Variants in PRDM16 observed in about 807,000 individuals in gnomAD.
The protein encoded by PRDM16 is histone-lysine N-methyltransferase PRDM16.
PRDM16 carries 23 observed loss-of-function variants against 110.6 expected under a neutral mutation model. The observed-to-expected ratio is 0.21, with a 90% confidence interval of 0.15 to 0.29. PRDM16 has a LOEUF of 0.29. PRDM16 is among the 10% of genes least tolerant of loss of function. The pLI is 1.00. For missense variants in PRDM16, 1,615 were observed against 1,794.3 expected, an observed-to-expected ratio of 0.90 and a Z score of 1.81; for synonymous variants, 799 against 781.8, an observed-to-expected ratio of 1.02 and a Z score of -0.37.
chr1:3,271,048 C>G (rs2100288735), intron 3 of PRDM16, among the ~76,000 whole-genome samples: 1 of 152,272 alleles, frequency 6.6e-6, no homozygotes, highest in Admixed American at 6.5e-5. Context: ...CACGCTCCTC[C>G]CAGTCCCGGC....
intron 2 of PRDM16, among the ~76,000 whole-genome samples, chr1:3,218,431 G>C (rs943072356): frequency 2.8e-4 from 42 of 152,200 alleles, no homozygotes; most frequent in African/African-American, 1.0e-3. Flanking sequence ...GGGCCACCTC[G>C]GTGTGCGGGA....
At chr1:3,305,630 T>C (rs1241332648) in intron 3 of PRDM16, among the ~76,000 whole-genome samples, 2 of 152,234 alleles carry the variant, frequency 1.3e-5, no homozygotes, top group African/African-American at 4.8e-5. Context: ...GCTGAATGCT[T>C]CAGCTGTCAA....
intron 1 of PRDM16, among the ~76,000 whole-genome samples, chr1:3,070,588 CCCGCCCGACCCACGCCGTT>C (rs1404197031): frequency 2.7e-5 from 4 of 148,790 alleles, no homozygotes; most frequent in South Asian, 2.1e-4. Flanking sequence ...CCTCGAGGTC[CCCGCCCGACCCACGCCGTT>C]CCGTCCGCGC....
At chr1:3,114,158 C>T (rs1383021911) in intron 1 of PRDM16, among the ~76,000 whole-genome samples, 1 of 112,048 alleles carries the variant, frequency 8.9e-6, no homozygotes, top group Non-Finnish European at 2.0e-5. Flanking sequence ...CACACGCACA[C>T]ACACACGCAC....
intron 1 of PRDM16, among the ~76,000 whole-genome samples, chr1:3,095,442 G>A (rs1261766701): frequency 2.6e-5 from 4 of 152,154 alleles, no homozygotes; most frequent in Non-Finnish European, 5.9e-5. Context: ...GGGGTGGGGG[G>A]CACTCCTAAG....
rs946732260 is a variant in PRDM16 at position 3,359,775 on chromosome 1, G to C, written c.439-25377G>C. On this transcript the variant is annotated intron_variant, in intron 3 of 16. Transcript: ENST00000270722. The surrounding 1 kb of genome is among the most constrained non-coding windows in gnomAD (Gnocchi z 4.3). The stretch of plus-strand genomic sequence containing the variant: ...TTGATCCCTCAGCGGCAGCCAGAAG[G>C]CAAGGCGGGAAAAACGAGCCTGGCC... Among the ~76,000 whole-genome samples the C allele has an allele frequency of 1.3e-5, 2 of 152,174 alleles. No homozygotes were observed. Among genetic ancestry groups the C allele is most frequent in the Non-Finnish European group, 2.9e-5 (2 of 68,032 alleles).
intron 1 of PRDM16, among the ~76,000 whole-genome samples, chr1:3,072,465 C>A (rs1217012498): frequency 6.6e-6 from 1 of 152,206 alleles, no homozygotes; most frequent in East Asian, 1.9e-4. Flanking sequence ...TCCCATCTAG[C>A]CCCTGGGGTG....
rs377380388 is a variant in PRDM16 at position 3,324,088 on chromosome 1, C to T, written c.439-61064C>T. 2.1e-3 allele frequency among the ~76,000 whole-genome samples: 326 copies of T among 152,304 alleles called. 2 individuals carry two copies. The highest frequency in any genetic ancestry group is 0.016 in the South Asian group (75 of 4,826). On this transcript the variant is annotated intron_variant, in intron 3 of 16. Coordinates refer to ENST00000270722, the MANE Select transcript of PRDM16 (RefSeq NM_022114.4). ...CAGCAGGGCCAGCCCCTCCTGGACA[C>T]TCCTGCCAGCCAGAGGAGAGAGTCC... is the stretch of plus-strand genomic sequence containing the variant.
chr1:3,283,723 C>T (rs1468511439), intron 3 of PRDM16, among the ~76,000 whole-genome samples: 3 of 151,950 alleles, frequency 2.0e-5, no homozygotes, highest in African/African-American at 7.3e-5. Context: ...AGAGACGGGG[C>T]GGTCAGCGAA....
chr1:3,069,330 CGGGGCCCGGGCCGCCGGGCCGG>C lies in PRDM16; in HGVS notation c.37+37_37+58del, dbSNP rs1439772992. 1 of 1,157,250 alleles carries C rather than the reference CGGGGCCCGGGCCGCCGGGCCGG, an allele frequency of 8.6e-7. No individual in the cohort carries two copies. Among genetic ancestry groups the C allele is most frequent in the Non-Finnish European group, 1.1e-6 (1 of 917,712 alleles). The allele number at this position is 1,157,250 out of a possible 1,614,324, so 71.7% of individuals were successfully genotyped here. ...CCCGCGCTCGGCCGCGCCGCGCCGC[CGGGGCCCGGGCCGCCGGGCCGG>C]GGCGCCCGGGCCAGGGGTGCGCGTC... On this transcript the variant is annotated intron_variant, in intron 1 of 16. Coordinates refer to ENST00000270722, the MANE Select transcript of PRDM16 (RefSeq NM_022114.4). The surrounding 1 kb of genome is among the most constrained non-coding windows in gnomAD (Gnocchi z 6.1).
chr1:3,346,447 A>G lies in PRDM16; in HGVS notation c.439-38705A>G, dbSNP rs114505100. 7.2e-3 allele frequency among the ~76,000 whole-genome samples: 1,095 copies of G among 152,138 alleles called. 9 individuals are homozygous for G. Among genetic ancestry groups the G allele is most frequent in the African/African-American group, 0.025 (1,035 of 41,516 alleles). ...AAGCACAGGGCGGAACACTCTGGAG[A>G]CACTGCTGTCCCACGGTTCCTGTTC... On this transcript the variant is annotated intron_variant, in intron 3 of 16. Transcript: ENST00000270722.
At position 3,244,026 on chromosome 1, in the gene PRDM16, C is replaced by T. The variant is rs1186249673; in HGVS notation, c.388-61C>T. 2 of 1,551,532 alleles carry T rather than the reference C, an allele frequency of 1.3e-6. No individual in the cohort carries two copies. Among genetic ancestry groups the T allele is most frequent in the African/African-American group, 1.4e-5 (1 of 73,684 alleles). On this transcript the variant is annotated intron_variant, in intron 2 of 16. Transcript: ENST00000270722. The surrounding 1 kb of genome is among the most constrained non-coding windows in gnomAD (Gnocchi z 4.1). ...TGGTTCTGCCCCCACCATTTAGAACCCAGTGTAGCTTGAGAATGTTTTATC... is the reference window on the plus strand; with the variant it reads ...TGGTTCTGCCCCCACCATTTAGAACTCAGTGTAGCTTGAGAATGTTTTATC...
In PRDM16 at chr1:3,303,496, C is replaced by T. The variant is rs576723603; in HGVS notation, c.438+59359C>T. 1.4e-4 allele frequency among the ~76,000 whole-genome samples: 21 copies of T among 152,264 alleles called. No individual in the cohort carries two copies. In the South Asian group the frequency reaches 3.1e-3, roughly 23 times the overall value. On this transcript the variant is annotated intron_variant, in intron 3 of 16. Coordinates refer to ENST00000270722, the MANE Select transcript of PRDM16 (RefSeq NM_022114.4). The stretch of plus-strand genomic sequence containing the variant: ...CACTAATGGACATTTGGTTGCCTTT[C>T]GCCGTTGGGAAGAGTGCCGTGGTGA...
At chr1:3,220,298 A>T (rs1639123502) in intron 2 of PRDM16, among the ~76,000 whole-genome samples, 1 of 152,144 alleles carries the variant, frequency 6.6e-6, no homozygotes, top group Non-Finnish European at 1.5e-5. Context: ...CGTCACAGGC[A>T]TCATAGCAGC....
chr1:3,071,229 G>A (rs552263519), intron 1 of PRDM16, among the ~76,000 whole-genome samples: 5 of 152,378 alleles, frequency 3.3e-5, no homozygotes, highest in Non-Finnish European at 7.3e-5. Flanking sequence ...GCGCGGCCCT[G>A]GAAACTTCCG....
chr1:3,320,469 G>C (rs755530845), intron 3 of PRDM16, among the ~76,000 whole-genome samples: 2 of 152,210 alleles, frequency 1.3e-5, no homozygotes, highest in African/African-American at 2.4e-5. Context: ...GTGGGGTGAA[G>C]GGCCTGTGTG....
intron 3 of PRDM16, among the ~76,000 whole-genome samples, chr1:3,301,707 CT>C (rs1231485451): frequency 6.6e-6 from 1 of 152,154 alleles, no homozygotes; most frequent in Non-Finnish European, 1.5e-5. Context: ...TGTCTGTTGG[CT>C]TGTTACTAAC....
intron 3 of PRDM16, among the ~76,000 whole-genome samples, chr1:3,248,880 G>A (rs1450403006): frequency 6.6e-6 from 1 of 152,242 alleles, no homozygotes; most frequent in Non-Finnish European, 1.5e-5. Flanking sequence ...GGAGTCCAGA[G>A]GTTTCCTGGG....
Position 3,339,413 on chromosome 1 carries a change from G to C in PRDM16, c.439-45739G>C, listed in dbSNP as rs77081358. ...TGGCAACCATCCTGGGTGGTCAGTA[G>C]GACCCTAGAAAGTGCTCAGAGCAGA... is the stretch of plus-strand genomic sequence containing the variant. On this transcript the variant is annotated intron_variant, in intron 3 of 16. Coordinates refer to ENST00000270722, the MANE Select transcript of PRDM16 (RefSeq NM_022114.4). This position sits in a 1 kb window ranked among gnomAD's most constrained non-coding sequence, Gnocchi z 5.0. Among the ~76,000 whole-genome samples, 140 of 152,234 alleles carry C rather than the reference G, an allele frequency of 9.2e-4. 4 individuals are homozygous for C. The East Asian group carries it at 0.021, about 22-fold the overall frequency.
Sources: gnomAD v4.1 joint callset for allele counts (sites outside exome capture counted in the v4.1 genomes callset) on GRCh38, gnomAD v4.1.1 for gene constraint, Gnocchi (gnomAD v3.1) non-coding constraint, MANE v1.5 for transcripts, NCBI Gene and HGNC (gene_info 2026-07-23, HGNC 2026-07-21) for gene names.